LRRIQ1: variants seen among roughly 807,000 people sequenced by gnomAD.
LRRIQ1 encodes the protein leucine-rich repeat- and IQ domain-containing protein 1.
A neutral mutation model predicts 211.9 loss-of-function variants in LRRIQ1; 210 were observed. The ratio of observed to expected loss-of-function variants is 0.99; its 90% CI spans 0.89 to 1.11. LRRIQ1 has a LOEUF of 1.11. Ranked by LOEUF, LRRIQ1 falls within the 50% of genes most tolerant of loss-of-function variation. LRRIQ1 has a pLI of 0.00. For synonymous variants in LRRIQ1, 699 were observed against 650.1 expected (o/e 1.08, Z -1.14); for missense variants, 2,136 against 1,939.5 (o/e 1.10, Z -1.90).
At position 85,232,663 on chromosome 12, in the gene LRRIQ1, T is replaced by C. The variant is rs768228561; in HGVS notation, c.4956-33T>C. On this transcript the variant is annotated intron_variant, in intron 25 of 26. Transcript: ENST00000393217. ...TTATATGCTTCCTCTACATTTACATTATAAAATACTTTCTGTTTTTGTCAC... is the reference window on the plus strand; with the variant it reads ...TTATATGCTTCCTCTACATTTACATCATAAAATACTTTCTGTTTTTGTCAC... 2.0e-5 allele frequency: 32 copies of C among 1,567,856 alleles called. No homozygotes were observed. The South Asian group carries it at 2.7e-4, about 13-fold the overall frequency.
chr12:85,167,901 T>G (rs532008228), intron 24 of LRRIQ1, among the ~76,000 whole-genome samples: 1 of 144,018 alleles, frequency 6.9e-6, no homozygotes, highest in Admixed American at 6.7e-5. Flanking sequence ...CTAGCATTCA[T>G]ACAATCGGAA....
At chr12:85,236,159 T>C (rs1422566363) in intron 26 of LRRIQ1, among the ~76,000 whole-genome samples, 2 of 152,148 alleles carry the variant, frequency 1.3e-5, no homozygotes, top group African/African-American at 4.8e-5. Flanking sequence ...GGTAAAGCTG[T>C]AAAACAGGTA....
chr12:85,127,703 G>T (rs2136467655), intron 17 of LRRIQ1, 129 bp from the exon 18 acceptor site: 1 of 725,752 alleles, frequency 1.4e-6, no homozygotes, highest in African/African-American at 1.8e-5. Context: ...AACAAAAGAA[G>T]TGGTCTTATT....
At chr12:85,169,305 A>C (rs1375712738) in intron 24 of LRRIQ1, among the ~76,000 whole-genome samples, 1 of 152,160 alleles carries the variant, frequency 6.6e-6, no homozygotes, top group Non-Finnish European at 1.5e-5. Context: ...CTGGAGAAAG[A>C]GTCAGTAACA....
chr12:85,185,254 C>G (rs1002355397), intron 24 of LRRIQ1, among the ~76,000 whole-genome samples: 1 of 151,778 alleles, frequency 6.6e-6, no homozygotes, highest in Admixed American at 6.6e-5. Flanking sequence ...TCCACACTTA[C>G]AATTTTCTAA....
Position 85,200,854 on chromosome 12 carries a change from C to T in LRRIQ1, c.4823-28663C>T, listed in dbSNP as rs1223239152. Among the ~76,000 whole-genome samples, 6 of 152,000 alleles carry T rather than the reference C, an allele frequency of 3.9e-5. No homozygotes were observed. In the South Asian group the frequency reaches 1.2e-3, roughly 32 times the overall value. On this transcript the variant is annotated intron_variant, in intron 24 of 26. Transcript: ENST00000393217. The stretch of plus-strand genomic sequence containing the variant: ...TTTTTTTTTGAGACAGGGTCTCACT[C>T]TGTCACCCAGGCTGCAGTGCAGTGG...
At chr12:85,076,780 A>AT (rs35461127) in intron 11 of LRRIQ1, among the ~76,000 whole-genome samples, 284 of 145,958 alleles carry the variant, frequency 1.9e-3, no homozygotes, top group East Asian at 8.2e-3. Flanking sequence ...CTATTCAGTG[A>AT]TTTTTTTTTT....
At chr12:85,081,730 T>C (rs1348082746) in intron 11 of LRRIQ1, among the ~76,000 whole-genome samples, 1 of 145,192 alleles carries the variant, frequency 6.9e-6, no homozygotes, top group Non-Finnish European at 1.5e-5. Context: ...CTTCTTTTTT[T>C]TTTTTTTTTT....
Position 85,056,794 on chromosome 12 carries a change from A to G in LRRIQ1, c.2001A>G (p.Ile667Met). 6.2e-7 allele frequency: 1 copy of G among 1,610,082 alleles called. No individual in the cohort carries two copies. Among genetic ancestry groups the G allele is most frequent in the African/African-American group, 1.3e-5 (1 of 74,714 alleles). The change falls in exon 8 of 27, where the codon ATA (isoleucine) becomes ATG (methionine). Residue 667 changes from isoleucine (I) to methionine (M), a missense_variant. Coordinates refer to ENST00000393217, the MANE Select transcript of LRRIQ1 (RefSeq NM_001079910.2). ...IFNTTDTMIN[I>M]EGKRNDQDYV... is the part of the protein sequence containing the mutation. ...ACACAACTGATACCATGATAAATAT[A>G]GAAGGCAAAAGAAATGACCAAGATT...
intron 19 of LRRIQ1, among the ~76,000 whole-genome samples, chr12:85,143,731 A>C (rs1889697518): frequency 6.6e-6 from 1 of 151,258 alleles, no homozygotes; most frequent in Admixed American, 6.6e-5. Context: ...ATATGTTGAA[A>C]TTTTCTATCA....
At position 85,209,027 on chromosome 12, in the gene LRRIQ1, A is replaced by G. The variant is rs190409840; in HGVS notation, c.4823-20490A>G. On this transcript the variant is annotated intron_variant, in intron 24 of 26. Transcript: ENST00000393217. Reference sequence around the variant, plus strand: ...CTTTAAACTCACCAGTTACCTTAATATTGGCAACATAGTGAAAAAGGGACC... The same window carrying G: ...CTTTAAACTCACCAGTTACCTTAATGTTGGCAACATAGTGAAAAAGGGACC... Among the ~76,000 whole-genome samples the G allele has an allele frequency of 1.0e-3, 154 of 152,288 alleles. 1 individual carries two copies. Among genetic ancestry groups the G allele is most frequent in the Middle Eastern group, 3.4e-3 (1 of 294 alleles).
chr12:85,041,572 A>T (rs1337294862), intron 3 of LRRIQ1, among the ~76,000 whole-genome samples: 1 of 151,624 alleles, frequency 6.6e-6, no homozygotes, highest in Non-Finnish European at 1.5e-5. Context: ...ATAAAGGCCC[A>T]CTGAGTGGAT....
intron 24 of LRRIQ1, among the ~76,000 whole-genome samples, chr12:85,213,477 G>A (rs892510780): frequency 6.6e-5 from 10 of 151,946 alleles, no homozygotes; most frequent in Non-Finnish European, 1.5e-4. Context: ...TGATAAACTG[G>A]TTTAATAAAA....
At chr12:85,208,732 C>T (rs1893688749) in intron 24 of LRRIQ1, among the ~76,000 whole-genome samples, 1 of 152,002 alleles carries the variant, frequency 6.6e-6, no homozygotes, top group Non-Finnish European at 1.5e-5. Flanking sequence ...AACTACGGAC[C>T]AACAAAAGTG....
At chr12:85,247,648 G>A (rs1333330868), downstream of LRRIQ1, among the ~76,000 whole-genome samples, 5 of 151,428 alleles carry the variant, frequency 3.3e-5, no homozygotes, top group Admixed American at 1.3e-4. Flanking sequence ...TATACATAAA[G>A]CATATGATAT....
chr12:85,131,372 G>A (rs1417045980), intron 18 of LRRIQ1, among the ~76,000 whole-genome samples: 1 of 151,966 alleles, frequency 6.6e-6, no homozygotes, highest in East Asian at 1.9e-4. Flanking sequence ...CTGTCCCACT[G>A]GCTTGTTTAC....
At chr12:85,127,308 A>G (rs1565853525) in intron 17 of LRRIQ1, among the ~76,000 whole-genome samples, 2 of 152,236 alleles carry the variant, frequency 1.3e-5, no homozygotes, top group East Asian at 3.9e-4. Flanking sequence ...AGTATTTACT[A>G]CTGAGTCTGT....
chr12:85,204,396 G>T (rs1227676984), intron 24 of LRRIQ1, among the ~76,000 whole-genome samples: 2 of 152,198 alleles, frequency 1.3e-5, no homozygotes, highest in Non-Finnish European at 2.9e-5. Context: ...GCTGTGAGAA[G>T]AGGGCCACCA....
At chr12:85,195,750 C>T (rs1382350909) in intron 24 of LRRIQ1, among the ~76,000 whole-genome samples, 2 of 152,052 alleles carry the variant, frequency 1.3e-5, no homozygotes, top group Non-Finnish European at 2.9e-5. Flanking sequence ...GAAGCATTCC[C>T]TTTGAAAACT....
Sources: gnomAD v4.1 joint callset for allele counts (sites outside exome capture counted in the v4.1 genomes callset) on GRCh38, gnomAD v4.1.1 for gene constraint, MANE v1.5 for transcripts, NCBI Gene and HGNC (gene_info 2026-07-23, HGNC 2026-07-21) for gene names.